PRKN: variants seen among roughly 807,000 people sequenced by gnomAD.
PRKN encodes E3 ubiquitin-protein ligase parkin.
A neutral mutation model predicts 59.5 loss-of-function variants in PRKN; 56 were observed. That is an observed-to-expected ratio of 0.94 (90% CI 0.76 to 1.18). The LOEUF is 1.18. Ranked by LOEUF, PRKN falls within the 50% of genes most tolerant of loss-of-function variation. The pLI, the probability that PRKN is intolerant of heterozygous loss-of-function variation, is 0.00. For missense variants in PRKN, 657 were observed against 596.4 expected (o/e 1.10, Z -1.06); for synonymous variants, 250 against 222.1 (o/e 1.13, Z -1.12).
At chr6:162,451,816 T>G (rs2128171229) in intron 1 of PRKN, among the ~76,000 whole-genome samples, 1 of 152,140 alleles carries the variant, frequency 6.6e-6, no homozygotes, top group Non-Finnish European at 1.5e-5. Flanking sequence ...GCAGAAAAAT[T>G]TTTCAAAAAA....
At chr6:162,057,727 T>C (rs1258169810) in intron 4 of PRKN, among the ~76,000 whole-genome samples, 3 of 152,216 alleles carry the variant, frequency 2.0e-5, no homozygotes. Flanking sequence ...GAACACTGTG[T>C]ACGACGATTA....
At position 161,418,693 on chromosome 6, in the gene PRKN, A is replaced by T. The variant is rs1356812349; in HGVS notation, c.1084-31816T>A. ...ATAACCAGTAAGTACTGGGAAAAAG[A>T]TTATTTTCTTTCACAGGTGTCTCCA... On this transcript the variant is annotated intron_variant, in intron 9 of 11. Coordinates refer to ENST00000366898, the MANE Select transcript of PRKN (RefSeq NM_004562.3). 5.9e-5 allele frequency among the ~76,000 whole-genome samples: 9 copies of T among 152,316 alleles called. No homozygotes were observed. The East Asian group carries it at 1.7e-3, about 29-fold the overall frequency.
chr6:162,316,164 G>A (rs1188606777), intron 2 of PRKN, among the ~76,000 whole-genome samples: 5 of 151,750 alleles, frequency 3.3e-5, no homozygotes, highest in Non-Finnish European at 7.4e-5. Flanking sequence ...CAGGAAAAAT[G>A]TGCGTGACTT....
chr6:161,380,802 G>T (rs1037468221), intron 10 of PRKN, among the ~76,000 whole-genome samples: 1 of 152,010 alleles, frequency 6.6e-6, no homozygotes, highest in Non-Finnish European at 1.5e-5. Context: ...TAACAAAAAC[G>T]CATGGATTTT....
chr6:162,160,976 G>A (rs1425988538), intron 4 of PRKN, among the ~76,000 whole-genome samples: 6 of 151,680 alleles, frequency 4.0e-5, no homozygotes, highest in African/African-American at 1.5e-4. Flanking sequence ...CAAAGGAAGA[G>A]GCACCTTATG....
intron 2 of PRKN, among the ~76,000 whole-genome samples, chr6:162,436,769 C>A (rs572480591): frequency 7.9e-4 from 101 of 127,078 alleles, no homozygotes; most frequent in Admixed American, 3.3e-3. Flanking sequence ...CTATTCAGAT[C>A]TATAATGTGC....
intron 2 of PRKN, among the ~76,000 whole-genome samples, chr6:162,275,821 T>C (rs1780613791): frequency 1.3e-5 from 2 of 152,050 alleles, no homozygotes; most frequent in Non-Finnish European, 2.9e-5. Context: ...ACACACATAT[T>C]AATGATGTCC....
chr6:162,250,495 T>A (rs374050645), intron 3 of PRKN, among the ~76,000 whole-genome samples: 3 of 152,336 alleles, frequency 2.0e-5, no homozygotes, highest in Admixed American at 6.5e-5. Context: ...CAGAGAGTTG[T>A]ATAATGAGTA....
At chr6:161,512,441 G>A (rs182342841) in intron 9 of PRKN, among the ~76,000 whole-genome samples, 6 of 152,266 alleles carry the variant, frequency 3.9e-5, no homozygotes, top group South Asian at 2.1e-4. Context: ...AAATTCATGC[G>A]GAGAAGTATT....
chr6:161,809,437 G>T (rs895139632), intron 6 of PRKN, among the ~76,000 whole-genome samples: 1 of 152,144 alleles, frequency 6.6e-6, no homozygotes, highest in Non-Finnish European at 1.5e-5. Flanking sequence ...ATGTTAGGGA[G>T]AAACTGGGTC....
intron 1 of PRKN, among the ~76,000 whole-genome samples, chr6:162,678,936 A>G (rs1455099965): frequency 1.3e-4 from 19 of 151,142 alleles, no homozygotes; most frequent in Admixed American, 1.3e-3. Context: ...CACCATGCTC[A>G]GTTAAATTTT....
At chr6:162,313,510 G>A (rs1038174167) in intron 2 of PRKN, among the ~76,000 whole-genome samples, 1 of 151,686 alleles carries the variant, frequency 6.6e-6, no homozygotes, top group Admixed American at 6.6e-5. Context: ...TTTTTGAAAT[G>A]TAGTTTTGCT....
At chr6:162,658,658 C>CAAAAAAAAAAAAAAAAAAA (rs57853171) in intron 1 of PRKN, among the ~76,000 whole-genome samples, 1 of 109,110 alleles carries the variant, frequency 9.2e-6, no homozygotes, top group Non-Finnish European at 1.9e-5. Context: ...GAGACTCTGT[C>CAAAAAAAAAAAAAAAAAAA]AAAAAAAAAA....
At chr6:161,987,440 C>T (rs1789988) in intron 5 of PRKN, among the ~76,000 whole-genome samples, 74,045 of 151,958 alleles carry the variant, frequency 0.49, 18,447 homozygotes, top group Middle Eastern at 0.59. Context: ...GTTCCAGAAA[C>T]CCCCTGCAGA....
At chr6:161,783,875 G>A (rs1404662615) in intron 7 of PRKN, among the ~76,000 whole-genome samples, 2 of 152,130 alleles carry the variant, frequency 1.3e-5, no homozygotes. Flanking sequence ...TGGTAGATAT[G>A]CTTAAAAGTG....
In PRKN at chr6:161,526,666, C is replaced by T. The variant is rs140157607; in HGVS notation, c.1083+22188G>A. On this transcript the variant is annotated intron_variant, in intron 9 of 11. Transcript: ENST00000366898. This position sits in a 1 kb window ranked among gnomAD's most constrained non-coding sequence, Gnocchi z 4.1. The stretch of plus-strand genomic sequence containing the variant: ...GAGCAAACCCTCTGATATAATTTTA[C>T]ATTTACTCATCCATTCATTTGCAAA... Among the ~76,000 whole-genome samples the T allele has an allele frequency of 3.8e-3, 579 of 151,904 alleles. 2 individuals are homozygous for T. The highest frequency in any genetic ancestry group is 0.013 in the African/African-American group (550 of 41,500).
At chr6:161,424,571 T>G (rs905117200) in intron 9 of PRKN, among the ~76,000 whole-genome samples, 1 of 152,080 alleles carries the variant, frequency 6.6e-6, no homozygotes, top group African/African-American at 2.4e-5. Flanking sequence ...GGGTTTCAGA[T>G]TGCAGACACA....
chr6:162,115,981 C>T (rs532268075), intron 4 of PRKN, among the ~76,000 whole-genome samples: 2 of 152,250 alleles, frequency 1.3e-5, no homozygotes, highest in South Asian at 2.1e-4. Flanking sequence ...TATAAAAAGC[C>T]GCCTCACAAT....
rs188400633 is a variant in PRKN, at chr6:162,414,201, G to C, written c.171+29109C>G. 2.5e-3 allele frequency among the ~76,000 whole-genome samples: 376 copies of C among 152,070 alleles called. 6 individuals carry two copies. Among genetic ancestry groups the C allele is most frequent in the Admixed American group, 4.1e-3 (62 of 15,274 alleles). On this transcript the variant is annotated intron_variant, in intron 2 of 11. Coordinates refer to ENST00000366898, the MANE Select transcript of PRKN (RefSeq NM_004562.3). ...CTGTCTCAACAATAACAACAAAAAA[G>C]ATTTCAGATACAGAGCTGTTGGCTT...
Sources: gnomAD v4.1 joint callset for allele counts (sites outside exome capture counted in the v4.1 genomes callset) on GRCh38, gnomAD v4.1.1 for gene constraint, Gnocchi (gnomAD v3.1) non-coding constraint, MANE v1.5 for transcripts, NCBI Gene and HGNC (gene_info 2026-07-23, HGNC 2026-07-21) for gene names.